Variants in DPP6 observed in about 807,000 individuals in gnomAD.
DPP6 encodes dipeptidyl peptidase like 6, also known as A-type potassium channel modulatory protein DPP6.
In DPP6, 69 loss-of-function variants were observed where a neutral mutation model predicts 122.6. That is an observed-to-expected ratio of 0.56 (90% CI 0.46 to 0.69). The LOEUF is 0.69. Among genes scored for constraint, DPP6 ranks in the 30% least tolerant of loss-of-function variants. The probability of loss-of-function intolerance (pLI) is 0.00; values close to 1 mark genes in which losing one functional copy is unlikely to be tolerated. For missense variants in DPP6, 928 were observed against 1,116.9 expected (o/e 0.83, Z 2.41); for synonymous variants, 418 against 433.1 (o/e 0.97, Z 0.43).
intron 3 of DPP6, among the ~76,000 whole-genome samples, chr7:154,497,438 A>G (rs1180447799): frequency 2.6e-5 from 4 of 151,974 alleles, no homozygotes; most frequent in African/African-American, 9.7e-5. Flanking sequence ...TGAAACCCCC[A>G]TCTCTACTAA....
In DPP6 at chr7:154,061,828, C is replaced by T. The variant is rs548267614; in HGVS notation, c.243+8765C>T. Among the ~76,000 whole-genome samples the T allele has an allele frequency of 7.9e-5, 11 of 138,464 alleles. No individual in the cohort carries two copies. The South Asian group carries it at 2.0e-3, about 25-fold the overall frequency. 90.8% of individuals were successfully genotyped at this position (138,464 alleles called of 152,430 possible). A position where few individuals can be genotyped will look rare whatever the true frequency, so the allele number is the denominator to read the frequency against. On this transcript the variant is annotated intron_variant, in intron 1 of 25. Coordinates refer to ENST00000377770, the MANE Select transcript of DPP6 (RefSeq NM_130797.4). ...GGACTGAGAGCGAGCCCCTCTTCCC[C>T]CCTTTGCTCTTAGGATCCCCATCGC...
intron 1 of DPP6, among the ~76,000 whole-genome samples, chr7:153,990,258 T>C (rs796954920): frequency 0.014 from 1,368 of 101,216 alleles, 19 homozygotes; most frequent in African/African-American, 0.021. Flanking sequence ...CCCCACCTGC[T>C]TCCAGCCTTG....
chr7:153,864,488 C>G, the DPP6 span, among the ~76,000 whole-genome samples: 6 of 152,016 alleles, frequency 3.9e-5, no homozygotes, highest in Non-Finnish European at 8.8e-5. Context: ...AACCCCGTCT[C>G]TACTAAAAAT....
chr7:153,961,281 T>C (rs1795336809), intron 1 of DPP6, among the ~76,000 whole-genome samples: 1 of 151,432 alleles, frequency 6.6e-6, no homozygotes, highest in South Asian at 2.1e-4. Context: ...TCAAGCCTCA[T>C]GCCAGCTGCC....
intron 1 of DPP6, among the ~76,000 whole-genome samples, chr7:154,261,068 G>C (rs528960513): frequency 6.6e-6 from 1 of 152,088 alleles, no homozygotes; most frequent in East Asian, 1.9e-4. Context: ...GGTAATTTTT[G>C]TATTTTTAGT....
At chr7:154,050,503 G>T (rs934617389), upstream of DPP6, among the ~76,000 whole-genome samples, 2 of 151,994 alleles carry the variant, frequency 1.3e-5, no homozygotes, top group African/African-American at 4.8e-5. Flanking sequence ...TCAGGATCGC[G>T]ATGCTGCGGT....
At chr7:154,490,222 A>G (rs891996482) in intron 3 of DPP6, among the ~76,000 whole-genome samples, 30 of 152,224 alleles carry the variant, frequency 2.0e-4, no homozygotes, top group African/African-American at 7.2e-4. Flanking sequence ...GGTACCAATT[A>G]AGTCTTCATA....
chr7:153,892,854 C>T (rs571760574), intron 1 of DPP6, among the ~76,000 whole-genome samples: 4 of 152,246 alleles, frequency 2.6e-5, no homozygotes, highest in African/African-American at 7.2e-5. Context: ...TGGTGTGATA[C>T]TTAGGTTGGT....
chr7:153,824,166 A>G, the DPP6 span, among the ~76,000 whole-genome samples: 3 of 152,144 alleles, frequency 2.0e-5, no homozygotes, highest in Non-Finnish European at 2.9e-5. Flanking sequence ...AGGCGGGTGG[A>G]TCACTTGAGG....
At chr7:154,105,608 G>A (rs1293292703) in intron 1 of DPP6, among the ~76,000 whole-genome samples, 1 of 152,200 alleles carries the variant, frequency 6.6e-6, no homozygotes, top group African/African-American at 2.4e-5. Context: ...AGTGTCCTGG[G>A]AGGGACACAG....
chr7:154,700,985 C>A (rs1447209597), intron 7 of DPP6, among the ~76,000 whole-genome samples: 1 of 152,108 alleles, frequency 6.6e-6, no homozygotes, highest in Non-Finnish European at 1.5e-5. Flanking sequence ...ACACTTAACC[C>A]TCCACCCTTG....
intron 1 of DPP6, among the ~76,000 whole-genome samples, chr7:154,080,654 C>A (rs868401503): frequency 6.6e-6 from 1 of 152,186 alleles, no homozygotes; most frequent in Non-Finnish European, 1.5e-5. Context: ...GTCATACCTC[C>A]GTCTGTAAGT....
chr7:154,358,409 ACT>A (rs1032160364), intron 1 of DPP6, among the ~76,000 whole-genome samples: 2 of 152,074 alleles, frequency 1.3e-5, no homozygotes, highest in Non-Finnish European at 2.9e-5. Context: ...AACTGTGAAC[ACT>A]CTGTGGTTTC....
chr7:154,475,149 G>A (rs754541706), intron 3 of DPP6, 112 bp downstream of exon 3: 3 of 793,652 alleles, frequency 3.8e-6, no homozygotes, highest in Admixed American at 1.9e-5. Flanking sequence ...GGCCACAGAA[G>A]GGGATCTACA....
intron 20 of DPP6, chr7:154,876,906 G>A (rs1391248986): frequency 6.6e-6 from 1 of 152,268 alleles, no homozygotes; most frequent in African/African-American, 2.4e-5. Flanking sequence ...TTCTGAGAAT[G>A]ACAAGAAGGC....
chr7:154,547,340 A>G (rs1829279346), intron 4 of DPP6, among the ~76,000 whole-genome samples: 1 of 152,220 alleles, frequency 6.6e-6, no homozygotes, highest in Non-Finnish European at 1.5e-5. Context: ...GCCCACTGAA[A>G]TGTTTTGTTT....
chr7:154,244,150 A>G (rs12671386), intron 1 of DPP6, among the ~76,000 whole-genome samples: 1 of 152,156 alleles, frequency 6.6e-6, no homozygotes, highest in African/African-American at 2.4e-5. Context: ...CTGTCAAAGC[A>G]GTTAGAGAGA....
chr7:153,774,872 C>A, the DPP6 span, among the ~76,000 whole-genome samples: 2 of 151,830 alleles, frequency 1.3e-5, no homozygotes, highest in East Asian at 3.9e-4. Context: ...TCCCTTGAGC[C>A]CAGGAGGATC....
intron 4 of DPP6, among the ~76,000 whole-genome samples, chr7:154,549,643 C>G (rs941124372): frequency 2.6e-5 from 4 of 152,216 alleles, no homozygotes; most frequent in Non-Finnish European, 5.9e-5. Context: ...TGATCAGTCT[C>G]TGCTTACGTT....
Sources: gnomAD v4.1 joint callset for allele counts (sites outside exome capture counted in the v4.1 genomes callset) on GRCh38, gnomAD v4.1.1 for gene constraint, MANE v1.5 for transcripts, NCBI Gene and HGNC (gene_info 2026-07-23, HGNC 2026-07-21) for gene names.